Variants in GPHN observed in about 807,000 individuals in gnomAD.
GPHN encodes gephyrin.
A neutral mutation model predicts 95.5 loss-of-function variants in GPHN; 17 were observed. The observed-to-expected ratio is 0.18, with a 90% CI of 0.12 to 0.27. The LOEUF is 0.27. GPHN is among the 10% of genes least tolerant of loss of function. GPHN has a pLI of 1.00. For missense variants in GPHN, 660 were observed against 978.1 expected (o/e 0.67, Z 4.34); for synonymous variants, 320 against 322.5 (o/e 0.99, Z 0.08).
chr14:66,929,274 G>A (rs1400151487), intron 8 of GPHN, among the ~76,000 whole-genome samples: 3 of 151,786 alleles, frequency 2.0e-5, no homozygotes, highest in African/African-American at 7.3e-5. Context: ...GGCTGATCTC[G>A]AACTCCTGGA....
the GPHN span, among the ~76,000 whole-genome samples, chr14:67,361,652 C>T: frequency 6.6e-6 from 1 of 152,318 alleles, no homozygotes; most frequent in East Asian, 1.9e-4. Flanking sequence ...TACCATTTGT[C>T]ATGCAAAATA....
At chr14:67,206,303 G>A in the GPHN span, among the ~76,000 whole-genome samples, 2 of 152,120 alleles carry the variant, frequency 1.3e-5, no homozygotes, top group African/African-American at 4.8e-5. Context: ...GTTGAGACTA[G>A]CCTGGCCAAC....
the GPHN span, chr14:67,692,274 C>T: frequency 2.9e-6 from 2 of 695,494 alleles, no homozygotes; most frequent in East Asian, 2.7e-5. Flanking sequence ...GGAAGATATC[C>T]CTTTGACATA....
intron 2 of GPHN, among the ~76,000 whole-genome samples, chr14:66,682,221 T>C (rs9783601): frequency 0.31 from 47,307 of 152,094 alleles, 11,185 homozygotes; most frequent in African/African-American, 0.64. Context: ...TCCATCTTTC[T>C]TTTTCTAACT....
chr14:67,567,401 G>A, the GPHN span, among the ~76,000 whole-genome samples: 12 of 152,158 alleles, frequency 7.9e-5, no homozygotes, highest in African/African-American at 1.7e-4. Flanking sequence ...CATAGGTTTC[G>A]TTTTACCTAA....
intron 20 of GPHN, among the ~76,000 whole-genome samples, chr14:67,167,022 G>A (rs558583404): frequency 9.9e-4 from 151 of 152,170 alleles, no homozygotes; most frequent in Middle Eastern, 3.4e-3. Flanking sequence ...TAGGCCATGC[G>A]TTTAAAGCCA....
At chr14:67,090,853 A>C (rs2077119331) in intron 12 of GPHN, among the ~76,000 whole-genome samples, 1 of 151,996 alleles carries the variant, frequency 6.6e-6, no homozygotes, top group Non-Finnish European at 1.5e-5. Flanking sequence ...CTTATCTCTA[A>C]AATTATGATA....
the GPHN span, among the ~76,000 whole-genome samples, chr14:67,627,481 T>A: frequency 6.6e-6 from 1 of 152,138 alleles, no homozygotes; most frequent in African/African-American, 2.4e-5. Context: ...TGAAAAGAGA[T>A]GAAACTGGCA....
At chr14:67,650,461 A>ATGTT in the GPHN span, 1 of 486,080 alleles carries the variant, frequency 2.1e-6, no homozygotes, top group South Asian at 2.6e-5. Context: ...TATGCCTGTT[A>ATGTT]TGTTAGTTGA....
the GPHN span, chr14:67,228,678 A>T: frequency 1.3e-5 from 2 of 152,174 alleles, no homozygotes; most frequent in African/African-American, 4.8e-5. Context: ...GTTTTTATGG[A>T]TGGGGTTTCT....
At chr14:66,695,810 C>A (rs553444579) in intron 2 of GPHN, among the ~76,000 whole-genome samples, 1 of 152,224 alleles carries the variant, frequency 6.6e-6, no homozygotes, top group South Asian at 2.1e-4. Context: ...AAAGGCAAAA[C>A]TATGAAGATA....
chr14:67,257,768 CAGGT>C, the GPHN span, among the ~76,000 whole-genome samples: 2 of 152,018 alleles, frequency 1.3e-5, no homozygotes, highest in Non-Finnish European at 2.9e-5. Flanking sequence ...ATGCAGAACT[CAGGT>C]AGAGGAGGTG....
intron 8 of GPHN, among the ~76,000 whole-genome samples, chr14:66,933,609 C>T (rs948224837): frequency 6.6e-6 from 1 of 152,054 alleles, no homozygotes; most frequent in Non-Finnish European, 1.5e-5. Context: ...CTTAATAATT[C>T]GGACAAGTTA....
At chr14:66,655,874 A>C (rs576735597) in intron 1 of GPHN, among the ~76,000 whole-genome samples, 3 of 151,984 alleles carry the variant, frequency 2.0e-5, no homozygotes, top group Non-Finnish European at 4.4e-5. Flanking sequence ...TGTTTCTTCA[A>C]ACTGTTAATA....
chr14:67,729,270 G>C, the GPHN span: 1 of 1,606,612 alleles, frequency 6.2e-7, no homozygotes, highest in East Asian at 2.2e-5. Context: ...TGCTCTGCCT[G>C]CTCTGGCGGC....
chr14:66,918,968 A>T (rs2153559554), intron 6 of GPHN, among the ~76,000 whole-genome samples: 1 of 152,292 alleles, frequency 6.6e-6, no homozygotes, highest in South Asian at 2.1e-4. Context: ...AATGTGAAAG[A>T]GAAAGACCTC....
rs1264080635 is a variant in GPHN at position 67,053,133 on chromosome 14, C to T, written c.1007-5516C>T. Among the ~76,000 whole-genome samples, 60 of 132,160 alleles carry T rather than the reference C, an allele frequency of 4.5e-4. 2 individuals are homozygous for T. Among genetic ancestry groups the T allele is most frequent in the Admixed American group, 4.8e-4 (6 of 12,430 alleles). The allele number at this position is 132,160 out of a possible 152,430, so 86.7% of individuals were successfully genotyped here. ...AGCAGAACTGAAGGAGATAGAGACA[C>T]GAAAAACCTTAAAAAAAATCAATGA... On this transcript the variant is annotated intron_variant, in intron 10 of 22. Coordinates refer to ENST00000478722, the MANE Select transcript of GPHN (RefSeq NM_020806.5).
chr14:66,758,499 A>T (rs181494990), intron 2 of GPHN, among the ~76,000 whole-genome samples: 1 of 152,312 alleles, frequency 6.6e-6, no homozygotes, highest in South Asian at 2.1e-4. Flanking sequence ...CATCGTTTGA[A>T]GCTACAGTTG....
chr14:67,160,155 G>T (rs1446005232), intron 19 of GPHN, among the ~76,000 whole-genome samples: 4 of 152,078 alleles, frequency 2.6e-5, no homozygotes, highest in African/African-American at 9.7e-5. Context: ...TCTATTAAAT[G>T]AGAACATTTT....
Sources: allele counts gnomAD v4.1 joint callset (sites outside exome capture counted in the v4.1 genomes callset), GRCh38; gene constraint gnomAD v4.1.1; transcripts MANE v1.5; gene names NCBI Gene and HGNC (gene_info 2026-07-23, HGNC 2026-07-21).